Variants in EIF2AK3 observed in about 807,000 individuals in gnomAD.
EIF2AK3 encodes eukaryotic translation initiation factor 2-alpha kinase 3.
In EIF2AK3, 50 loss-of-function variants were observed where a neutral mutation model predicts 113.5. The observed-to-expected ratio is 0.44, with a 90% CI of 0.35 to 0.56. The LOEUF is 0.56. EIF2AK3 is among the 20% of genes least tolerant of loss of function. EIF2AK3 has a pLI of 0.00. For missense variants in EIF2AK3, 1,185 were observed against 1,378.0 expected (o/e 0.86, Z 2.22); for synonymous variants, 448 against 495.4 (o/e 0.90, Z 1.27).
intron 2 of EIF2AK3, among the ~76,000 whole-genome samples, chr2:88,605,841 A>T (rs2104457705): frequency 6.6e-6 from 1 of 152,284 alleles, no homozygotes; most frequent in Admixed American, 6.5e-5. Flanking sequence ...CATTGGGGAA[A>T]GTAAAAGGAA....
At chr2:88,609,962 A>AAG (rs1359648837) in intron 2 of EIF2AK3, among the ~76,000 whole-genome samples, 1 of 149,974 alleles carries the variant, frequency 6.7e-6, no homozygotes, top group African/African-American at 2.4e-5. Flanking sequence ...AAAAAAAAAA[A>AAG]AAAAAAAAAG....
chr2:88,620,913 T>C (rs778946302), intron 1 of EIF2AK3, among the ~76,000 whole-genome samples: 1 of 152,240 alleles, frequency 6.6e-6, no homozygotes, highest in Non-Finnish European at 1.5e-5. Flanking sequence ...ACTAAATAAA[T>C]GTTTGTTGAA....
At chr2:88,619,893 T>G (rs1052395617) in intron 1 of EIF2AK3, among the ~76,000 whole-genome samples, 2 of 150,374 alleles carry the variant, frequency 1.3e-5, no homozygotes, top group African/African-American at 2.4e-5. Context: ...GAGGCGGAGG[T>G]TGCAGTAAGC....
At chr2:88,626,922 C>G (rs1228159603) in intron 1 of EIF2AK3, 45 bp downstream of exon 1, 1 of 1,601,504 alleles carries the variant, frequency 6.2e-7, no homozygotes, top group Non-Finnish European at 8.5e-7. Context: ...CTCCGCGGCT[C>G]GCGCGCGTAA....
At chr2:88,615,961 C>T (rs1027745117) in intron 1 of EIF2AK3, among the ~76,000 whole-genome samples, 3 of 152,170 alleles carry the variant, frequency 2.0e-5, no homozygotes, top group African/African-American at 7.2e-5. Context: ...CCCAGCAGCA[C>T]CTGACCAGCC....
chr2:88,625,310 C>CACAT (rs1675832605), intron 1 of EIF2AK3, among the ~76,000 whole-genome samples: 2 of 148,630 alleles, frequency 1.3e-5, no homozygotes, highest in Non-Finnish European at 3.0e-5. Context: ...CACACACACA[C>CACAT]ACACACACAC....
At chr2:88,588,198 T>A (rs2104434024) in intron 7 of EIF2AK3, 94 bp from the exon 8 acceptor site, 1 of 818,666 alleles carries the variant, frequency 1.2e-6, no homozygotes, top group Non-Finnish European at 1.8e-6. Context: ...TTGAATAAAC[T>A]GATATTCAAC....
chr2:88,612,880 G>A (rs1370812447), intron 2 of EIF2AK3, among the ~76,000 whole-genome samples: 1 of 152,104 alleles, frequency 6.6e-6, no homozygotes, highest in Non-Finnish European at 1.5e-5. Flanking sequence ...AGAACAACTC[G>A]ATATAAAAGA....
intron 2 of EIF2AK3, among the ~76,000 whole-genome samples, chr2:88,602,434 GA>G (rs1675172674): frequency 6.6e-6 from 1 of 152,142 alleles, no homozygotes; most frequent in African/African-American, 2.4e-5. Context: ...AAAAGGAGAA[GA>G]GGGGGTAAGA....
Position 88,588,996 on chromosome 2 carries a change from T to A in EIF2AK3, c.1166-95A>T. The A allele has an allele frequency of 2.9e-6, 4 of 1,388,398 alleles. No individual in the cohort carries two copies. In the South Asian group the frequency reaches 4.9e-5, roughly 17 times the overall value. The allele number at this position is 1,388,398 out of a possible 1,614,324, so 86.0% of individuals were successfully genotyped here. A position where few individuals can be genotyped will look rare whatever the true frequency, so the allele number is the denominator to read the frequency against. On this transcript the variant is annotated intron_variant, in intron 6 of 16. Transcript: ENST00000303236. ...TACATTAATTCCAGTTATTTCTACATACACCACAAAACTCTTGTCAAAGAA... is the reference window on the plus strand; with the variant it reads ...TACATTAATTCCAGTTATTTCTACAAACACCACAAAACTCTTGTCAAAGAA...
At chr2:88,612,688 A>G (rs1023652372) in intron 2 of EIF2AK3, among the ~76,000 whole-genome samples, 4 of 152,218 alleles carry the variant, frequency 2.6e-5, no homozygotes, top group African/African-American at 9.6e-5. Context: ...AAAGTCTGTT[A>G]TTATAGATGC....
In EIF2AK3 at chr2:88,575,449, A is replaced by G; in HGVS notation, c.2037-3T>C. The G allele has an allele frequency of 6.2e-7, 1 of 1,605,064 alleles. No homozygotes were observed. Among genetic ancestry groups the G allele is most frequent in the African/African-American group, 1.3e-5 (1 of 75,062 alleles). ...GAGAGCTGAGTGGCCAGTCTGTGCT[A>G]AAAGTGGGAGAAATACAAAGGGGTA... On this transcript the variant is annotated splice_region_variant and splice_polypyrimidine_tract_variant and intron_variant, in intron 12 of 16. Coordinates refer to ENST00000303236, the MANE Select transcript of EIF2AK3 (RefSeq NM_004836.7).
At chr2:88,585,770 C>G in intron 9 of EIF2AK3, 71 bp downstream of exon 9, 1 of 1,468,456 alleles carries the variant, frequency 6.8e-7, no homozygotes, top group South Asian at 1.3e-5. Flanking sequence ...GGAAGCCAGA[C>G]TGTGATGGGT....
chr2:88,587,204 CAAAAA>C (rs780050125), intron 8 of EIF2AK3, among the ~76,000 whole-genome samples: 2 of 30,262 alleles, frequency 6.6e-5, no homozygotes, highest in African/African-American at 1.8e-4. Flanking sequence ...AACTCCATCT[CAAAAA>C]AAAAAAAAAA....
rs201662849 is a variant in EIF2AK3, at chr2:88,575,246, A to G, written c.2237T>C (p.Met746Thr). Reference sequence around the variant, plus strand: ...TGACTCACTGATGTCCTCATGGTCCATTCCTGAGAATTCCAGTGGTGAGAA... The same window carrying G: ...TGACTCACTGATGTCCTCATGGTCCGTTCCTGAGAATTCCAGTGGTGAGAA... ...SQFSPLEFSGMDHEDISESVD... is the reference protein window; with the variant it reads ...SQFSPLEFSGTDHEDISESVD... The change falls in exon 13 of 17, where the codon ATG (methionine) becomes ACG (threonine). Residue 746 changes from methionine (M) to threonine (T), a missense_variant. Physicochemically the swap from Met to Thr is moderately conservative, Grantham distance 81. Around this residue, in one of 3 missense-constraint regions of EIF2AK3, gnomAD observed 877 missense variants for 1,024.2 expected, o/e 0.86. Transcript: ENST00000303236. 27 of 1,613,854 alleles carry G rather than the reference A, an allele frequency of 1.7e-5. No individual in the cohort carries two copies. In the East Asian group the frequency reaches 5.8e-4, roughly 35 times the overall value.
chr2:88,577,514 T>C (rs1016569312), intron 11 of EIF2AK3, among the ~76,000 whole-genome samples: 38 of 150,744 alleles, frequency 2.5e-4, no homozygotes, highest in African/African-American at 8.8e-4. Context: ...CACGCTGGAG[T>C]ACAGTGATGC....
chr2:88,623,581 A>G (rs1315173671), intron 1 of EIF2AK3, among the ~76,000 whole-genome samples: 1 of 152,208 alleles, frequency 6.6e-6, no homozygotes, highest in African/African-American at 2.4e-5. Flanking sequence ...GCAGTTCTTC[A>G]CAGCTGTTCA....
intron 2 of EIF2AK3, among the ~76,000 whole-genome samples, chr2:88,607,419 A>C (rs2104460771): frequency 1.3e-5 from 2 of 152,332 alleles, no homozygotes; most frequent in East Asian, 1.9e-4. Context: ...GTTAAAGCTA[A>C]TAGAGTGAAC....
chr2:88,621,318 G>C (rs963410707), intron 1 of EIF2AK3, among the ~76,000 whole-genome samples: 1 of 152,194 alleles, frequency 6.6e-6, no homozygotes, highest in Non-Finnish European at 1.5e-5. Flanking sequence ...TCTGATAAGT[G>C]TATGCTAAAT....
Sources: gnomAD v4.1 joint callset for allele counts (sites outside exome capture counted in the v4.1 genomes callset) on GRCh38, gnomAD v4.1.1 for gene constraint, gnomAD v4.1.1 regional missense constraint, MANE v1.5 for transcripts, NCBI Gene and HGNC (gene_info 2026-07-23, HGNC 2026-07-21) for gene names.